Variants in MYO18B observed in about 807,000 individuals in gnomAD.
MYO18B encodes the protein myosin XVIIIB, also known as unconventional myosin-XVIIIb.
A neutral mutation model predicts 273.0 loss-of-function variants in MYO18B; 204 were observed. The ratio of observed to expected loss-of-function variants is 0.75; its 90% CI spans 0.67 to 0.84. MYO18B has a LOEUF of 0.84. Ranked by LOEUF, MYO18B falls within the 40% of genes least tolerant of loss-of-function variation. The pLI is 0.00. For missense variants in MYO18B, 3,212 were observed against 3,287.6 expected, an observed-to-expected ratio of 0.98 and a Z score of 0.56; for synonymous variants, 1,330 against 1,305.7, an observed-to-expected ratio of 1.02 and a Z score of -0.40.
chr22:26,058,053 A>C, the MYO18B span, among the ~76,000 whole-genome samples: 9 of 152,224 alleles, frequency 5.9e-5, no homozygotes, highest in Non-Finnish European at 1.3e-4. Context: ...CTTATTCACT[A>C]TTGACACCAT....
chr22:25,920,500 G>A (rs1375412747), intron 33 of MYO18B, among the ~76,000 whole-genome samples: 1 of 152,116 alleles, frequency 6.6e-6, no homozygotes, highest in Non-Finnish European at 1.5e-5. Flanking sequence ...TCCAGGATGC[G>A]GCTTCTTTGG....
chr22:25,767,373 T>TG lies in MYO18B; in HGVS notation c.199-739dup, dbSNP rs133899. Among the ~76,000 whole-genome samples, 852 of 152,288 alleles carry TG rather than the reference T, an allele frequency of 5.6e-3. 15 individuals are homozygous for TG. The highest frequency in any genetic ancestry group is 0.02 in the African/African-American group (814 of 41,552). ...CAGAAACCAGGGCCCTCAGCTGGTA[T>TG]GGGAAGTGTGATATGGGGATCAGGG... On this transcript the variant is annotated intron_variant, in intron 3 of 43. Transcript: ENST00000335473.
intron 11 of MYO18B, among the ~76,000 whole-genome samples, chr22:25,789,544 G>T (rs2087561582): frequency 6.6e-6 from 1 of 151,910 alleles, no homozygotes; most frequent in African/African-American, 2.4e-5. Context: ...GCTGAGGCAG[G>T]AGAATCACTG....
At chr22:26,021,815 G>T (rs1935842550) in intron 42 of MYO18B, among the ~76,000 whole-genome samples, 1 of 152,218 alleles carries the variant, frequency 6.6e-6, no homozygotes, top group Non-Finnish European at 1.5e-5. Flanking sequence ...GGGTGGCTAT[G>T]AGGGTAGGAG....
At chr22:26,047,187 C>T in the MYO18B span, among the ~76,000 whole-genome samples, 7 of 146,414 alleles carry the variant, frequency 4.8e-5, no homozygotes, top group African/African-American at 1.0e-4. Context: ...AGTGTAGTGG[C>T]GTGATCTCGG....
chr22:26,002,906 T>G (rs1450993975), intron 40 of MYO18B, among the ~76,000 whole-genome samples: 1 of 152,212 alleles, frequency 6.6e-6, no homozygotes, highest in Admixed American at 6.5e-5. Flanking sequence ...AACATACAGC[T>G]AATACCTTGC....
intron 39 of MYO18B, among the ~76,000 whole-genome samples, chr22:25,988,336 A>G (rs1307373238): frequency 1.3e-5 from 2 of 152,058 alleles, no homozygotes; most frequent in Admixed American, 6.6e-5. Context: ...TTACACCAAC[A>G]CTAAATTTCT....
chr22:25,923,812 C>G (rs2146458253), intron 34 of MYO18B, among the ~76,000 whole-genome samples: 1 of 152,304 alleles, frequency 6.6e-6, no homozygotes, highest in Middle Eastern at 3.4e-3. Context: ...CCCAAGCTTC[C>G]CTTCCCCCAA....
intron 3 of MYO18B, 112 bp downstream of exon 3, chr22:25,763,501 T>C (rs2086402522): frequency 7.9e-7 from 1 of 1,270,262 alleles, no homozygotes; most frequent in African/African-American, 1.5e-5. Context: ...TGTCCTGGTT[T>C]TGAGGAATGT....
downstream of MYO18B, among the ~76,000 whole-genome samples, chr22:26,033,876 CTTT>C (rs1936721690): frequency 6.8e-6 from 1 of 147,208 alleles, no homozygotes; most frequent in Non-Finnish European, 1.5e-5. Context: ...TTCCTTCTTT[CTTT>C]CTTTCCTTTC....
At chr22:25,772,046 T>C (rs1040699880) in intron 6 of MYO18B, among the ~76,000 whole-genome samples, 7 of 152,236 alleles carry the variant, frequency 4.6e-5, no homozygotes, top group African/African-American at 1.7e-4. Context: ...TTTTGAATTT[T>C]GTCAAGTCTG....
intron 12 of MYO18B, among the ~76,000 whole-genome samples, chr22:25,822,180 A>G (rs570544666): frequency 1.3e-5 from 2 of 152,150 alleles, no homozygotes; most frequent in Non-Finnish European, 2.9e-5. Context: ...TTCCTTTAAC[A>G]CACCATGCTC....
At position 25,802,610 on chromosome 22, in the gene MYO18B, G is replaced by A. The variant is rs899911158; in HGVS notation, c.2521+4513G>A. ...TAAAAAAAAATACAAAAAATTAGCC[G>A]GGCATGGTGGCAGACACCTATGGTC... On this transcript the variant is annotated intron_variant, in intron 12 of 43. Transcript: ENST00000335473. 4.0e-5 allele frequency among the ~76,000 whole-genome samples: 6 copies of A among 151,658 alleles called. No homozygotes were observed. In the East Asian group the frequency reaches 5.9e-4, roughly 15 times the overall value.
Position 25,769,366 on chromosome 22 carries a change from A to G in MYO18B, c.1450A>G (p.Asn484Asp). The change falls in exon 4 of 44, where the codon AAC becomes GAC. Residue 484 changes from asparagine (N) to aspartate (D), a missense_variant. By Grantham distance (23) the Asn-to-Asp change is conservative. Coordinates refer to ENST00000335473, the MANE Select transcript of MYO18B (RefSeq NM_032608.7). ...AGAAAGGCCTCGGATACGGAAGGAG[A>G]ACCAAGACGGGCCAGCCCCGCAGGA... ...DAERPRIRKE[N>D]QDGPAPQEEG... 1 of 1,575,640 alleles carries G rather than the reference A, an allele frequency of 6.3e-7. No homozygotes were observed. Among genetic ancestry groups the G allele is most frequent in the Non-Finnish European group, 8.6e-7 (1 of 1,161,198 alleles).
intron 34 of MYO18B, among the ~76,000 whole-genome samples, chr22:25,930,728 C>T (rs996956800): frequency 7.2e-5 from 11 of 152,140 alleles, no homozygotes; most frequent in Non-Finnish European, 1.6e-4. Context: ...CCCGCCTTGG[C>T]GTCCCAAAGT....
intron 30 of MYO18B, chr22:25,902,944 T>C: frequency 5.4e-6 from 3 of 554,284 alleles, no homozygotes; most frequent in Non-Finnish European, 9.4e-6. Flanking sequence ...ATTGATGTCT[T>C]GATCTTGCTT....
chr22:25,821,919 A>G (rs1156772495), intron 12 of MYO18B, among the ~76,000 whole-genome samples: 1 of 152,230 alleles, frequency 6.6e-6, no homozygotes, highest in Non-Finnish European at 1.5e-5. Flanking sequence ...ATATTTAGCC[A>G]TATTTCCCTT....
intron 41 of MYO18B, among the ~76,000 whole-genome samples, chr22:26,004,211 G>A (rs1450424959): frequency 6.6e-6 from 1 of 152,040 alleles, no homozygotes; most frequent in Non-Finnish European, 1.5e-5. Flanking sequence ...TTGAGGACCT[G>A]TGACGACCCC....
At chr22:26,012,639 T>G (rs1052784695) in intron 42 of MYO18B, among the ~76,000 whole-genome samples, 1 of 152,184 alleles carries the variant, frequency 6.6e-6, no homozygotes, top group African/African-American at 2.4e-5. Flanking sequence ...GACAGGTATT[T>G]ATAGGAAGGA....
Sources: allele counts gnomAD v4.1 joint callset (sites outside exome capture counted in the v4.1 genomes callset), GRCh38; gene constraint gnomAD v4.1.1; transcripts MANE v1.5; gene names NCBI Gene and HGNC (gene_info 2026-07-23, HGNC 2026-07-21).